SYNDIG1: variants seen among roughly 807,000 people sequenced by gnomAD.
The protein encoded by SYNDIG1 is synapse differentiation inducing 1.
SYNDIG1 carries 9 observed loss-of-function variants against 19.4 expected under a neutral mutation model. The ratio of observed to expected loss-of-function variants is 0.46; its 90% CI spans 0.28 to 0.81. The LOEUF (loss-of-function observed/expected upper bound fraction) is 0.81, where lower values mean the gene tolerates loss of function less well. SYNDIG1 is among the 30% of genes least tolerant of loss of function. The pLI, the probability that SYNDIG1 is intolerant of heterozygous loss-of-function variation, is 0.12. For synonymous variants in SYNDIG1, 141 were observed against 145.9 expected, an observed-to-expected ratio of 0.97 and a Z score of 0.24; for missense variants, 311 against 343.3, an observed-to-expected ratio of 0.91 and a Z score of 0.74.
At chr20:24,508,419 G>T (rs967505691) in intron 1 of SYNDIG1, among the ~76,000 whole-genome samples, 6 of 108,916 alleles carry the variant, frequency 5.5e-5, no homozygotes, top group Non-Finnish European at 9.8e-5. Flanking sequence ...AGTAGAGACG[G>T]AGTTTCACCA....
At chr20:24,657,968 G>GA (rs2059545342) in intron 3 of SYNDIG1, among the ~76,000 whole-genome samples, 1 of 152,158 alleles carries the variant, frequency 6.6e-6, no homozygotes, top group Non-Finnish European at 1.5e-5. Context: ...TCTTGCGGAA[G>GA]CCTGTCCCAG....
intron 1 of SYNDIG1, among the ~76,000 whole-genome samples, chr20:24,526,382 G>A (rs1208913329): frequency 6.6e-6 from 1 of 151,832 alleles, no homozygotes; most frequent in African/African-American, 2.4e-5. Flanking sequence ...AGAATGATTA[G>A]AAATGTTTCC....
At chr20:24,533,035 G>A (rs1013779620) in intron 1 of SYNDIG1, among the ~76,000 whole-genome samples, 8 of 152,038 alleles carry the variant, frequency 5.3e-5, no homozygotes, top group Non-Finnish European at 1.2e-4. Flanking sequence ...CCCAGCACGT[G>A]GGAGAGAATC....
intron 1 of SYNDIG1, among the ~76,000 whole-genome samples, chr20:24,520,562 G>T (rs1256030856): frequency 3.3e-5 from 5 of 151,972 alleles, no homozygotes; most frequent in African/African-American, 9.7e-5. Context: ...GTGTTGTGGT[G>T]TGCGCCTGTA....
intron 2 of SYNDIG1, among the ~76,000 whole-genome samples, chr20:24,571,483 A>G (rs1206648245): frequency 6.6e-6 from 1 of 152,194 alleles, no homozygotes; most frequent in Non-Finnish European, 1.5e-5. Flanking sequence ...GCATATATAT[A>G]TATACACACA....
intron 3 of SYNDIG1, among the ~76,000 whole-genome samples, chr20:24,640,728 C>T (rs1280209329): frequency 1.3e-5 from 2 of 152,130 alleles, no homozygotes; most frequent in Non-Finnish European, 2.9e-5. Context: ...TGGAAGCTCA[C>T]TGGACACAAA....
chr20:24,570,286 AAAG>A lies in SYNDIG1; in HGVS notation c.481-14567_481-14565del, dbSNP rs536308078. Reference sequence around the variant, plus strand: ...ACATCAGAAAAACAATCTATAAAAGAAAGAATAGACAAATTTTACTTAATCAAA... The same window carrying A: ...ACATCAGAAAAACAATCTATAAAAGAAATAGACAAATTTTACTTAATCAAA... On this transcript the variant is annotated intron_variant, in intron 2 of 3. Coordinates refer to ENST00000376862, the MANE Select transcript of SYNDIG1 (RefSeq NM_024893.3). 5.3e-5 allele frequency among the ~76,000 whole-genome samples: 8 copies of A among 152,338 alleles called. No homozygotes were observed. The East Asian group carries it at 1.5e-3, about 29-fold the overall frequency.
At chr20:24,517,213 A>G (rs568054414) in intron 1 of SYNDIG1, among the ~76,000 whole-genome samples, 3 of 152,154 alleles carry the variant, frequency 2.0e-5, no homozygotes, top group Non-Finnish European at 2.9e-5. Context: ...TGACGAGTTA[A>G]TGGGTTCAGC....
chr20:24,474,694 C>A (rs893498625), intron 1 of SYNDIG1, among the ~76,000 whole-genome samples: 1 of 152,140 alleles, frequency 6.6e-6, no homozygotes, highest in African/African-American at 2.4e-5. Context: ...AGAGTACTTG[C>A]GTGGATTTCA....
At chr20:24,528,546 G>A (rs768204285) in intron 1 of SYNDIG1, among the ~76,000 whole-genome samples, 2 of 152,112 alleles carry the variant, frequency 1.3e-5, no homozygotes, top group East Asian at 1.9e-4. Context: ...ACCTTATTAC[G>A]TGTCCTCTGG....
At chr20:24,503,960 T>TTTG (rs1159635272) in intron 1 of SYNDIG1, among the ~76,000 whole-genome samples, 1 of 148,624 alleles carries the variant, frequency 6.7e-6, no homozygotes, top group African/African-American at 2.5e-5. Context: ...GAGCAGGTTT[T>TTTG]TTTTTTTTTT....
chr20:24,530,204 G>T (rs2057227855), intron 1 of SYNDIG1, among the ~76,000 whole-genome samples: 1 of 152,090 alleles, frequency 6.6e-6, no homozygotes, highest in Non-Finnish European at 1.5e-5. Flanking sequence ...AGGTTTTCTT[G>T]TTTCCAAAAT....
Position 24,647,287 on chromosome 20 carries a change from T to C in SYNDIG1, c.619-18059T>C, listed in dbSNP as rs60918606. 9.4e-3 allele frequency among the ~76,000 whole-genome samples: 1,437 copies of C among 152,188 alleles called. 21 individuals carry two copies. Among genetic ancestry groups the C allele is most frequent in the African/African-American group, 0.033 (1,374 of 41,518 alleles). On this transcript the variant is annotated intron_variant, in intron 3 of 3. Coordinates refer to ENST00000376862, the MANE Select transcript of SYNDIG1 (RefSeq NM_024893.3). ...ATATGAACACACAGGCAGGGCAGGG[T>C]ACATGGCAGCACTTTCTCAGTGGCT...
intron 1 of SYNDIG1, among the ~76,000 whole-genome samples, chr20:24,534,682 C>T (rs1483007968): frequency 2.6e-5 from 4 of 152,230 alleles, no homozygotes; most frequent in Non-Finnish European, 5.9e-5. Flanking sequence ...TTCTCCTGTG[C>T]TGCGTGCAGG....
At position 24,624,255 on chromosome 20, in the gene SYNDIG1, CA is replaced by C. The variant is rs201904792; in HGVS notation, c.618+39280del. ...CGGGTGACAGAATGAGACTCCATCT[CA>C]AAAAAAAAAAAAAAAAATGAGACCC... On this transcript the variant is annotated intron_variant, in intron 3 of 3. Transcript: ENST00000376862. 1.3e-3 allele frequency among the ~76,000 whole-genome samples: 127 copies of C among 94,690 alleles called. No individual in the cohort carries two copies. In the Middle Eastern group the frequency reaches 0.02, roughly 15 times the overall value. 62.1% of individuals were successfully genotyped at this position (94,690 alleles called of 152,430 possible). A position where few individuals can be genotyped will look rare whatever the true frequency, so the allele number is the denominator to read the frequency against.
intron 2 of SYNDIG1, among the ~76,000 whole-genome samples, chr20:24,556,083 CT>C (rs962449942): frequency 2.0e-5 from 3 of 151,986 alleles, no homozygotes; most frequent in Admixed American, 1.3e-4. Context: ...CTCTTTTGAT[CT>C]TTGTTGGTTT....
chr20:24,521,664 G>A (rs753033121), intron 1 of SYNDIG1, among the ~76,000 whole-genome samples: 19 of 152,186 alleles, frequency 1.2e-4, no homozygotes, highest in East Asian at 7.7e-4. Flanking sequence ...TTGGGAGACC[G>A]AGGAGGGTGG....
At chr20:24,572,833 G>T (rs2058166750) in intron 2 of SYNDIG1, among the ~76,000 whole-genome samples, 4 of 152,200 alleles carry the variant, frequency 2.6e-5, no homozygotes, top group African/African-American at 9.7e-5. Flanking sequence ...GTTGCCAGGG[G>T]TTAAGGATGG....
chr20:24,594,001 A>G, intron 3 of SYNDIG1, among the ~76,000 whole-genome samples: 1 of 152,102 alleles, frequency 6.6e-6, no homozygotes, highest in Non-Finnish European at 1.5e-5. Flanking sequence ...ATTCTGTGGA[A>G]CATTTCTTTT....
Sources: allele counts gnomAD v4.1 joint callset (sites outside exome capture counted in the v4.1 genomes callset), GRCh38; gene constraint gnomAD v4.1.1; transcripts MANE v1.5; gene names NCBI Gene and HGNC (gene_info 2026-07-23, HGNC 2026-07-21).